The following TG variants were observed in gnomAD, a reference collection of about 807,000 sequenced individuals.
The protein encoded by TG is thyroglobulin.
TG carries 270 observed loss-of-function variants against 324.7 expected under a neutral mutation model. That is an observed-to-expected ratio of 0.83 (90% CI 0.75 to 0.92). The LOEUF is 0.92. TG is among the 40% of genes least tolerant of loss of function. The probability of loss-of-function intolerance (pLI) is 0.00; values close to 1 mark genes in which losing one functional copy is unlikely to be tolerated. For missense variants in TG, 3,591 were observed against 3,456.4 expected (o/e 1.04, Z -0.98); for synonymous variants, 1,401 against 1,327.0 (o/e 1.06, Z -1.21).
At chr8:132,893,142 T>C (rs938872319) in intron 10 of TG, among the ~76,000 whole-genome samples, 3 of 132,576 alleles carry the variant, frequency 2.3e-5, no homozygotes, top group African/African-American at 8.7e-5. Flanking sequence ...GTGTGGTGTG[T>C]ATTTGTGTGT....
Position 132,906,715 on chromosome 8 carries a change from C to T in TG, c.3662C>T (p.Ala1221Val), listed in dbSNP as rs149681411. 1.7e-5 allele frequency: 28 copies of T among 1,614,098 alleles called. No homozygotes were observed. The highest frequency in any genetic ancestry group is 4.0e-5 in the African/African-American group (3 of 74,940). ...ESPRCPLPFN[A>V]SEVVGGTILC... ...CCGCGGTGTCCGCTGCCATTCAACG[C>T]GTCGGAGGTGGTTGGTGGAACAATC... The change falls in exon 17 of 48, where the codon GCG becomes GTG. Residue 1221 changes from alanine to valine, a missense_variant. Ala to Val is a moderately conservative substitution (Grantham distance 64). Coordinates refer to ENST00000220616, the MANE Select transcript of TG (RefSeq NM_003235.5).
chr8:132,882,441 C>T (rs1302447776), intron 6 of TG, 28 bp from the exon 7 acceptor site: 18 of 1,613,964 alleles, frequency 1.1e-5, no homozygotes, highest in Non-Finnish European at 1.5e-5. Flanking sequence ...ATGAGACCAT[C>T]TCTGAAAGTC....
intron 35 of TG, among the ~76,000 whole-genome samples, chr8:132,986,484 C>T (rs60808830): frequency 0.19 from 29,072 of 151,594 alleles, 3,092 homozygotes; most frequent in Middle Eastern, 0.32. Context: ...CATGTATATA[C>T]GTAGTGACTC....
At chr8:132,911,862 T>A (rs1333467052) in intron 19 of TG, among the ~76,000 whole-genome samples, 1 of 152,224 alleles carries the variant, frequency 6.6e-6, no homozygotes, top group Non-Finnish European at 1.5e-5. Context: ...TTTTAACTTA[T>A]GTCTCGTCTG....
intron 22 of TG, 25 bp downstream of exon 22, chr8:132,923,533 C>T: frequency 6.2e-7 from 1 of 1,609,106 alleles, no homozygotes; most frequent in Non-Finnish European, 8.5e-7. Flanking sequence ...TGAAATCAGT[C>T]ATGGTTCCTG....
Position 132,967,400 on chromosome 8 carries a change from G to T in TG, c.5687-394G>T, listed in dbSNP as rs1324598111. ...CTCATATATACCAGGGGCACAGGCTGACTTGGGCACAGGTGCAGGGAGACC... is the reference window on the plus strand; with the variant it reads ...CTCATATATACCAGGGGCACAGGCTTACTTGGGCACAGGTGCAGGGAGACC... On this transcript the variant is annotated intron_variant, in intron 30 of 47. Coordinates refer to ENST00000220616, the MANE Select transcript of TG (RefSeq NM_003235.5). 3.9e-5 allele frequency among the ~76,000 whole-genome samples: 6 copies of T among 152,182 alleles called. No individual in the cohort carries two copies. The East Asian group carries it at 1.2e-3, about 29-fold the overall frequency.
rs540502760 is a variant in TG at position 133,050,654 on chromosome 8, A to G, written c.7239+20631A>G. On this transcript the variant is annotated intron_variant, in intron 41 of 47. Coordinates refer to ENST00000220616, the MANE Select transcript of TG (RefSeq NM_003235.5). The stretch of plus-strand genomic sequence containing the variant: ...TATGGAAGGTTCTAGAGCACTGGCC[A>G]CATTAAAGAGGAAGGTTGCAGTATG... 1.5e-5 allele frequency: 9 copies of G among 602,784 alleles called. No homozygotes were observed. In the South Asian group the frequency reaches 1.8e-4, roughly 12 times the overall value. 37.3% of individuals were successfully genotyped at this position (602,784 alleles called of 1,614,324 possible). A position where few individuals can be genotyped will look rare whatever the true frequency, so the allele number is the denominator to read the frequency against.
At chr8:133,045,552 G>A (rs548132306) in intron 41 of TG, among the ~76,000 whole-genome samples, 2 of 151,952 alleles carry the variant, frequency 1.3e-5, no homozygotes, top group South Asian at 2.1e-4. Context: ...GCGCCACCAC[G>A]CCCAGTTAAT....
rs763176811 is a variant in TG, at chr8:133,133,542, C to G, written c.8070C>G (p.Pro2690=). Residue 2690 remains proline, a synonymous_variant, in exon 47 of 48, where the codon CCC becomes CCG. Coordinates refer to ENST00000220616, the MANE Select transcript of TG (RefSeq NM_003235.5). ...CAACCCCCTGGCCTGACTTTGTACC[C>G]CGTGCTGGTGGAGAGAACTACAAGG... The part of the protein sequence containing the change: ...TFATPWPDFV[P]RAGGENYKEF... 13 of 1,614,190 alleles carry G rather than the reference C, an allele frequency of 8.1e-6. 1 individual carries two copies. The South Asian group carries it at 1.1e-4, about 14-fold the overall frequency.
At chr8:133,081,658 C>T (rs898824444) in intron 41 of TG, among the ~76,000 whole-genome samples, 4 of 152,202 alleles carry the variant, frequency 2.6e-5, no homozygotes, top group East Asian at 3.8e-4. Flanking sequence ...TATGTTGATT[C>T]GTTCAAGCTG....
chr8:133,001,640 T>A, intron 35 of TG: 1 of 521,576 alleles, frequency 1.9e-6, no homozygotes, highest in Non-Finnish European at 2.5e-6. Context: ...GAAAGCAGGA[T>A]GTCTCAATGC....
intron 22 of TG, among the ~76,000 whole-genome samples, chr8:132,925,552 T>TGTGTGTGTGTGTGTGTGTGTGTG (rs60544202): frequency 1.3e-5 from 2 of 151,372 alleles, no homozygotes; most frequent in African/African-American, 4.9e-5. Flanking sequence ...TGTGTGTGTG[T>TGTGTGTGTGTGTGTGTGTGTGTG]TCTTGAATAA....
intron 4 of TG, among the ~76,000 whole-genome samples, chr8:132,872,637 T>C (rs1359289744): frequency 6.6e-6 from 1 of 152,124 alleles, no homozygotes; most frequent in African/African-American, 2.4e-5. Flanking sequence ...ACTCACTCAC[T>C]GACTCACCCG....
intron 19 of TG, among the ~76,000 whole-genome samples, chr8:132,912,365 A>G (rs549864673): frequency 3.7e-4 from 57 of 152,214 alleles, no homozygotes; most frequent in African/African-American, 1.3e-3. Context: ...GCTTGTTTCA[A>G]TGGTGAGGCA....
Position 132,886,318 on chromosome 8 carries a change from A to C in TG, c.1076-130A>C. 3.9e-6 allele frequency: 5 copies of C among 1,278,418 alleles called. No individual in the cohort carries two copies. The South Asian group carries it at 6.3e-5, about 16-fold the overall frequency. The allele number at this position is 1,278,418 out of a possible 1,614,324, so 79.2% of individuals were successfully genotyped here. ...AAAAAATAAAATGACACAGAGAAGA[A>C]AGTGGTTTCAAACGTAGGTGTCCTT... On this transcript the variant is annotated intron_variant, in intron 8 of 47. Coordinates refer to ENST00000220616, the MANE Select transcript of TG (RefSeq NM_003235.5).
intron 41 of TG, among the ~76,000 whole-genome samples, chr8:133,051,566 G>A (rs1477177553): frequency 1.3e-5 from 2 of 152,170 alleles, no homozygotes; most frequent in Non-Finnish European, 2.9e-5. Flanking sequence ...TGAGGGTGGG[G>A]GTGGTGGAAG....
At chr8:132,914,476 A>T (rs1426272028) in intron 20 of TG, among the ~76,000 whole-genome samples, 1 of 152,258 alleles carries the variant, frequency 6.6e-6, no homozygotes, top group African/African-American at 2.4e-5. Context: ...CTAAATCCTA[A>T]CACAGAAAAC....
At chr8:133,058,610 G>C (rs1169069402) in intron 41 of TG, among the ~76,000 whole-genome samples, 3 of 152,182 alleles carry the variant, frequency 2.0e-5, no homozygotes, top group Non-Finnish European at 4.4e-5. Context: ...TTTTCTAGCA[G>C]TGGTTATGAC....
intron 41 of TG, chr8:133,039,849 T>C (rs1587836545): frequency 7.3e-7 from 1 of 1,372,350 alleles, no homozygotes; most frequent in Non-Finnish European, 9.8e-7. Context: ...TTGTGGGGGG[T>C]GCTCACCCCC....
Sources: gnomAD v4.1 joint callset for allele counts (sites outside exome capture counted in the v4.1 genomes callset) on GRCh38, gnomAD v4.1.1 for gene constraint, MANE v1.5 for transcripts, NCBI Gene and HGNC (gene_info 2026-07-23, HGNC 2026-07-21) for gene names.